PRLR: variants seen among roughly 807,000 people sequenced by gnomAD.
The protein encoded by PRLR is prolactin receptor.
A neutral mutation model predicts 40.2 loss-of-function variants in PRLR; 13 were observed. That is an observed-to-expected ratio of 0.32 (90% CI 0.21 to 0.51). The LOEUF (loss-of-function observed/expected upper bound fraction) is 0.51, where lower values mean the gene tolerates loss of function less well. Among genes scored for constraint, PRLR ranks in the 20% least tolerant of loss-of-function variants. The pLI is 0.97. For missense variants in PRLR, 656 were observed against 747.3 expected, an observed-to-expected ratio of 0.88 and a Z score of 1.42; for synonymous variants, 269 against 278.7, an observed-to-expected ratio of 0.97 and a Z score of 0.35.
chr5:35,126,272 G>C (rs1773460713), intron 1 of PRLR, among the ~76,000 whole-genome samples: 1 of 151,480 alleles, frequency 6.6e-6, no homozygotes, highest in South Asian at 2.1e-4. Context: ...GCCATGTGTA[G>C]TTTCTTTTGG....
intron 1 of PRLR, among the ~76,000 whole-genome samples, chr5:35,154,934 T>C (rs1206741844): frequency 6.6e-6 from 1 of 151,244 alleles, no homozygotes; most frequent in Non-Finnish European, 1.5e-5. Context: ...GGGAGCTGAA[T>C]GATGAGAACG....
chr5:35,188,728 C>T (rs1483364916), intron 1 of PRLR, among the ~76,000 whole-genome samples: 1 of 152,224 alleles, frequency 6.6e-6, no homozygotes, highest in Non-Finnish European at 1.5e-5. Flanking sequence ...GGCGAGGCCA[C>T]ACTAATACAA....
intron 2 of PRLR, among the ~76,000 whole-genome samples, chr5:35,110,198 C>G (rs1201888729): frequency 6.6e-6 from 1 of 152,084 alleles, no homozygotes; most frequent in Non-Finnish European, 1.5e-5. Context: ...TGGGGAACAA[C>G]ACACACCAGG....
intron 1 of PRLR, among the ~76,000 whole-genome samples, chr5:35,175,524 C>T (rs1411303081): frequency 2.6e-5 from 4 of 152,124 alleles, no homozygotes; most frequent in South Asian, 2.1e-4. Context: ...TAGTGACTTA[C>T]GGAGAGTGTA....
chr5:35,186,484 G>C (rs542342419), intron 1 of PRLR, among the ~76,000 whole-genome samples: 1 of 152,256 alleles, frequency 6.6e-6, no homozygotes, highest in African/African-American at 2.4e-5. Flanking sequence ...AGAGATCTTA[G>C]AGGGCATATC....
chr5:35,208,899 C>T (rs947414081), intron 1 of PRLR, among the ~76,000 whole-genome samples: 4 of 151,746 alleles, frequency 2.6e-5, no homozygotes, highest in South Asian at 4.2e-4. Flanking sequence ...ACCTAGTAGT[C>T]AAAGAAATGA....
chr5:35,228,825 C>G (rs1776618574), intron 1 of PRLR, among the ~76,000 whole-genome samples: 1 of 152,006 alleles, frequency 6.6e-6, no homozygotes, highest in South Asian at 2.1e-4. Context: ...CACAGTCAGC[C>G]CAACCAGCAG....
chr5:35,183,622 C>T (rs183041606), intron 1 of PRLR, among the ~76,000 whole-genome samples: 192 of 152,270 alleles, frequency 1.3e-3, no homozygotes, highest in Middle Eastern at 6.8e-3. Context: ...CTTCAGGACA[C>T]GGAAAAGGGA....
downstream of PRLR, among the ~76,000 whole-genome samples, chr5:35,052,091 A>C (rs1768514750): frequency 6.6e-6 from 1 of 152,194 alleles, no homozygotes; most frequent in Non-Finnish European, 1.5e-5. Flanking sequence ...ATAGAAACTT[A>C]CTTAATCCTA....
intron 1 of PRLR, among the ~76,000 whole-genome samples, chr5:35,218,925 T>G (rs541981250): frequency 5.8e-4 from 88 of 152,292 alleles, no homozygotes; most frequent in African/African-American, 2.0e-3. Context: ...ACACAGAAAC[T>G]ATGAATAGTA....
intron 1 of PRLR, among the ~76,000 whole-genome samples, chr5:35,196,380 A>G (rs1472923003): frequency 6.6e-6 from 1 of 152,236 alleles, no homozygotes; most frequent in African/African-American, 2.4e-5. Context: ...TATTTTATGA[A>G]AGGTTCTCAT....
At chr5:35,139,452 A>G (rs1773951521) in intron 1 of PRLR, among the ~76,000 whole-genome samples, 1 of 152,204 alleles carries the variant, frequency 6.6e-6, no homozygotes, top group South Asian at 2.1e-4. Flanking sequence ...TAATAATAAA[A>G]TGAATCCTGG....
chr5:35,153,999 G>T (rs968453653), intron 1 of PRLR, among the ~76,000 whole-genome samples: 6 of 152,162 alleles, frequency 3.9e-5, no homozygotes, highest in Admixed American at 6.6e-5. Context: ...CAAAATAGAT[G>T]ATTCCTTTAA....
In PRLR at chr5:35,066,116, G is replaced by A; in HGVS notation, c.856-14C>T. 3.1e-6 allele frequency: 5 copies of A among 1,605,872 alleles called. No individual in the cohort carries two copies. Among genetic ancestry groups the A allele is most frequent in the East Asian group, 2.2e-5 (1 of 44,780 alleles). On this transcript the variant is annotated splice_polypyrimidine_tract_variant and intron_variant, in intron 9 of 9. Transcript: ENST00000618457. ...AGACTTGCCCTTCTATTAAAACACA[G>A]ACACAAGAAGAGATGGCTGTTAGCT...
chr5:35,109,373 T>C (rs184695750), intron 2 of PRLR, among the ~76,000 whole-genome samples: 194 of 152,260 alleles, frequency 1.3e-3, no homozygotes, highest in African/African-American at 4.5e-3. Context: ...AAATGGGATC[T>C]AATTAAACTA....
chr5:35,212,145 A>G (rs931411925), intron 1 of PRLR, among the ~76,000 whole-genome samples: 1 of 152,234 alleles, frequency 6.6e-6, no homozygotes, highest in Non-Finnish European at 1.5e-5. Flanking sequence ...GTTCTTCTAC[A>G]TAATACCTCT....
intron 1 of PRLR, among the ~76,000 whole-genome samples, chr5:35,147,893 G>A (rs976337631): frequency 2.6e-5 from 4 of 152,122 alleles, no homozygotes; most frequent in African/African-American, 7.2e-5. Context: ...CAGGGTAGAC[G>A]TGTCGGTGGA....
At chr5:35,222,418 A>C (rs1051271963) in intron 1 of PRLR, among the ~76,000 whole-genome samples, 4 of 152,224 alleles carry the variant, frequency 2.6e-5, no homozygotes, top group African/African-American at 9.6e-5. Flanking sequence ...GGGAAATCAG[A>C]ACAGCCGTAA....
At chr5:35,136,561 A>G (rs1338135758) in intron 1 of PRLR, among the ~76,000 whole-genome samples, 1 of 152,134 alleles carries the variant, frequency 6.6e-6, no homozygotes, top group Non-Finnish European at 1.5e-5. Flanking sequence ...AAGTTGACTG[A>G]GTCATGCATG....
Sources: gnomAD v4.1 joint callset for allele counts (sites outside exome capture counted in the v4.1 genomes callset) on GRCh38, gnomAD v4.1.1 for gene constraint, MANE v1.5 for transcripts, NCBI Gene and HGNC (gene_info 2026-07-23, HGNC 2026-07-21) for gene names.